Variants in RAP1GDS1 observed in about 807,000 individuals in gnomAD.
RAP1GDS1 encodes the protein Rap1 GTPase-GDP dissociation stimulator 1, also known as RAP1, GTP-GDP dissociation stimulator 1.
In RAP1GDS1, 35 loss-of-function variants were observed where a neutral mutation model predicts 71.1. That is an observed-to-expected ratio of 0.49 (90% CI 0.38 to 0.65). The LOEUF (loss-of-function observed/expected upper bound fraction) is 0.65, where lower values mean the gene tolerates loss of function less well. Ranked by LOEUF, RAP1GDS1 falls within the 30% of genes least tolerant of loss-of-function variation. The pLI is 0.00. For missense variants in RAP1GDS1, 663 were observed against 706.1 expected (o/e 0.94, Z 0.69); for synonymous variants, 229 against 243.1 (o/e 0.94, Z 0.54).
intron 6 of RAP1GDS1, among the ~76,000 whole-genome samples, chr4:98,394,790 T>TAAGAC (rs1224437599): frequency 6.6e-6 from 1 of 152,168 alleles, no homozygotes; most frequent in Non-Finnish European, 1.5e-5. Flanking sequence ...GCTGTGTGTT[T>TAAGAC]AAGACATTAT....
chr4:98,388,978 A>C (rs2110121882), intron 5 of RAP1GDS1, among the ~76,000 whole-genome samples: 1 of 152,316 alleles, frequency 6.6e-6, no homozygotes, highest in Admixed American at 6.5e-5. Context: ...ATATTTTCCC[A>C]AAAAAATTGC....
At chr4:98,403,363 G>A (rs1745696078) in intron 6 of RAP1GDS1, among the ~76,000 whole-genome samples, 1 of 152,188 alleles carries the variant, frequency 6.6e-6, no homozygotes, top group Admixed American at 6.5e-5. Context: ...GATTTTGGAG[G>A]TAGATTGACA....
chr4:98,401,496 G>A (rs1047660833), intron 6 of RAP1GDS1, among the ~76,000 whole-genome samples: 2 of 152,268 alleles, frequency 1.3e-5, no homozygotes, highest in East Asian at 1.9e-4. Context: ...TAGATAATAC[G>A]TAAGTAAACA....
At chr4:98,383,512 C>T (rs1742307023) in intron 5 of RAP1GDS1, among the ~76,000 whole-genome samples, 1 of 151,218 alleles carries the variant, frequency 6.6e-6, no homozygotes, top group African/African-American at 2.4e-5. Context: ...TTTGTAGTTC[C>T]TGAAATCTCT....
intron 1 of RAP1GDS1, among the ~76,000 whole-genome samples, chr4:98,277,023 T>C (rs1215913598): frequency 6.6e-6 from 1 of 152,122 alleles, no homozygotes; most frequent in Non-Finnish European, 1.5e-5. Flanking sequence ...AGGGGCAGTG[T>C]CAGGCCTAGA....
At chr4:98,397,197 C>T (rs1158876010) in intron 6 of RAP1GDS1, among the ~76,000 whole-genome samples, 4 of 151,916 alleles carry the variant, frequency 2.6e-5, no homozygotes, top group Non-Finnish European at 4.4e-5. Context: ...TTGTTCCCTT[C>T]GAGTCCCAAT....
intron 2 of RAP1GDS1, among the ~76,000 whole-genome samples, chr4:98,306,700 A>C (rs1729375726): frequency 6.6e-6 from 1 of 152,226 alleles, no homozygotes; most frequent in Non-Finnish European, 1.5e-5. Context: ...AGTAATAAAT[A>C]GATTAGATAA....
intron 2 of RAP1GDS1, among the ~76,000 whole-genome samples, chr4:98,329,586 G>A (rs192333752): frequency 5.9e-5 from 9 of 152,006 alleles, no homozygotes; most frequent in Admixed American, 4.6e-4. Context: ...TCAGAAGTTC[G>A]AGACCAGCCT....
At chr4:98,328,193 A>G (rs1235365206) in intron 2 of RAP1GDS1, among the ~76,000 whole-genome samples, 1 of 152,204 alleles carries the variant, frequency 6.6e-6, no homozygotes, top group African/African-American at 2.4e-5. Flanking sequence ...TATTAGCAAT[A>G]GCACAGGCAT....
intron 1 of RAP1GDS1, among the ~76,000 whole-genome samples, chr4:98,290,761 T>C (rs536054570): frequency 7.9e-4 from 121 of 152,212 alleles, no homozygotes; most frequent in Non-Finnish European, 1.4e-3. Flanking sequence ...TTTATCCAAA[T>C]GTATCAAGGC....
intron 7 of RAP1GDS1, among the ~76,000 whole-genome samples, chr4:98,404,991 T>G (rs1200134772): frequency 6.6e-6 from 1 of 152,116 alleles, no homozygotes; most frequent in East Asian, 1.9e-4. Flanking sequence ...AGAAAAATCT[T>G]AAGAGATGCA....
chr4:98,333,160 G>C (rs1166186050), intron 2 of RAP1GDS1, among the ~76,000 whole-genome samples: 44 of 151,240 alleles, frequency 2.9e-4, no homozygotes, highest in Non-Finnish European at 1.9e-4. Flanking sequence ...TTACTTATTG[G>C]TTCCTTTTCT....
At chr4:98,366,832 G>T (rs1255797544) in intron 4 of RAP1GDS1, among the ~76,000 whole-genome samples, 2 of 152,146 alleles carry the variant, frequency 1.3e-5, no homozygotes, top group Non-Finnish European at 2.9e-5. Context: ...AAGCAGCAAA[G>T]CATTCAAGAG....
In RAP1GDS1 at chr4:98,433,954, G is replaced by A; in HGVS notation, c.1459G>A (p.Val487Met). The A allele has an allele frequency of 6.2e-7, 1 of 1,607,616 alleles. No homozygotes were observed. The highest frequency in any genetic ancestry group is 1.3e-5 in the African/African-American group (1 of 74,912). The stretch of plus-strand genomic sequence containing the variant: ...ATTGTAGGATGTAATTAAAACCATT[G>A]TGCAGAGTGGTGGCATCAAGCATCT... ...SKSKDVIKTI[V>M]QSGGIKHLVT... Residue 487 changes from valine to methionine, a missense_variant, in exon 13 of 15, where the codon GTG (valine) becomes ATG (methionine). By Grantham distance (21) the Val-to-Met change is conservative. Coordinates refer to ENST00000408927, the MANE Select transcript of RAP1GDS1 (RefSeq NM_001100427.2).
intron 12 of RAP1GDS1, among the ~76,000 whole-genome samples, chr4:98,425,834 AAG>A (rs1262773946): frequency 1.3e-5 from 2 of 152,212 alleles, no homozygotes; most frequent in Non-Finnish European, 2.9e-5. Context: ...AAAGTCAACA[AAG>A]AAACAATGGA....
chr4:98,370,146 C>T (rs1578620476), intron 4 of RAP1GDS1, among the ~76,000 whole-genome samples: 1 of 152,100 alleles, frequency 6.6e-6, no homozygotes, highest in East Asian at 1.9e-4. Context: ...TCTTTGTATT[C>T]TCAGGACCTA....
chr4:98,293,559 A>G lies in RAP1GDS1; in HGVS notation c.112+44A>G, dbSNP rs1727272988. 3.5e-6 allele frequency: 5 copies of G among 1,416,946 alleles called. No individual in the cohort carries two copies. The East Asian group carries it at 6.9e-5, about 20-fold the overall frequency. The allele number at this position is 1,416,946 out of a possible 1,614,324, so 87.8% of individuals were successfully genotyped here. ...ACTCAAATTCCAAAGAAGAAAATCA[A>G]ATCAGTAGTCATTCAGAAACTGGTA... On this transcript the variant is annotated intron_variant, in intron 2 of 14. Transcript: ENST00000408927.
At chr4:98,395,647 C>T (rs960690068) in intron 6 of RAP1GDS1, among the ~76,000 whole-genome samples, 2 of 152,306 alleles carry the variant, frequency 1.3e-5, no homozygotes, top group South Asian at 2.1e-4. Flanking sequence ...ATAGCTCTGT[C>T]GGTCAGCTCT....
At chr4:98,430,005 T>A (rs1750168694) in intron 12 of RAP1GDS1, among the ~76,000 whole-genome samples, 1 of 152,152 alleles carries the variant, frequency 6.6e-6, no homozygotes, top group Non-Finnish European at 1.5e-5. Context: ...CCAGAACTAC[T>A]TAAATGCTAT....
Sources: gnomAD v4.1 joint callset for allele counts (sites outside exome capture counted in the v4.1 genomes callset) on GRCh38, gnomAD v4.1.1 for gene constraint, MANE v1.5 for transcripts, NCBI Gene and HGNC (gene_info 2026-07-23, HGNC 2026-07-21) for gene names.